CHRNA7: variants seen among roughly 807,000 people sequenced by gnomAD.
The protein encoded by CHRNA7 is cholinergic receptor nicotinic alpha 7 subunit.
In CHRNA7, 17 loss-of-function variants were observed where a neutral mutation model predicts 48.0. The observed-to-expected ratio is 0.35, with a 90% CI of 0.24 to 0.53. CHRNA7 has a LOEUF of 0.53. Among genes scored for constraint, CHRNA7 ranks in the 20% least tolerant of loss-of-function variants. CHRNA7 has a pLI of 0.92. For missense variants in CHRNA7, 155 were observed against 577.7 expected (o/e 0.27, Z 7.50); for synonymous variants, 75 against 242.3 (o/e 0.31, Z 6.41).
At chr15:32,133,766 A>G (rs974889644) in intron 4 of CHRNA7, among the ~76,000 whole-genome samples, 30 of 152,174 alleles carry the variant, frequency 2.0e-4, no homozygotes, top group African/African-American at 6.8e-4. Flanking sequence ...TCCAGCACCA[A>G]TTGTAGTGGC....
intron 2 of CHRNA7, among the ~76,000 whole-genome samples, chr15:32,046,344 T>C (rs1430768883): frequency 6.9e-6 from 1 of 144,832 alleles, no homozygotes; most frequent in Non-Finnish European, 1.5e-5. Context: ...TTTCCTGACT[T>C]TTTAATGATT....
At chr15:32,065,457 A>C (rs1159604300) in intron 2 of CHRNA7, among the ~76,000 whole-genome samples, 1 of 152,218 alleles carries the variant, frequency 6.6e-6, no homozygotes, top group Non-Finnish European at 1.5e-5. Flanking sequence ...TTGGGTTGAA[A>C]ATTTAGAAGT....
In CHRNA7 at chr15:32,090,959, T is replaced by C. The variant is rs942128745; in HGVS notation, c.196-10344T>C. Among the ~76,000 whole-genome samples, 5 of 152,226 alleles carry C rather than the reference T, an allele frequency of 3.3e-5. No individual in the cohort carries two copies. The South Asian group carries it at 1.0e-3, about 31-fold the overall frequency. The stretch of plus-strand genomic sequence containing the variant: ...TTCTGAGTTACATTTTAGGTCATTT[T>C]GTTGAGTCTGTCTTCAGCTTACTAA... On this transcript the variant is annotated intron_variant, in intron 2 of 9. Transcript: ENST00000306901.
intron 2 of CHRNA7, among the ~76,000 whole-genome samples, chr15:32,094,622 G>T (rs954004909): frequency 2.0e-5 from 3 of 152,082 alleles, no homozygotes; most frequent in African/African-American, 7.2e-5. Context: ...TAATTTAACA[G>T]TGGAGAATTT....
intron 2 of CHRNA7, among the ~76,000 whole-genome samples, chr15:32,074,983 A>G (rs1439702756): frequency 1.3e-5 from 2 of 151,948 alleles, no homozygotes; most frequent in Non-Finnish European, 2.9e-5. Context: ...TTTTTTGTGT[A>G]GTTTTTCTTC....
intron 4 of CHRNA7, among the ~76,000 whole-genome samples, chr15:32,115,017 C>T (rs1399160702): frequency 1.3e-5 from 2 of 152,226 alleles, no homozygotes; most frequent in Non-Finnish European, 2.9e-5. Context: ...CGGTGTCCCC[C>T]AGCTTGGTGG....
chr15:32,033,415 C>G (rs1901937348), intron 2 of CHRNA7, among the ~76,000 whole-genome samples: 1 of 152,204 alleles, frequency 6.6e-6, no homozygotes, highest in Non-Finnish European at 1.5e-5. Context: ...CAAGGTCACT[C>G]TGTGATTAGA....
intron 3 of CHRNA7, 164 bp downstream of exon 3, chr15:32,101,511 A>C: frequency 2.9e-6 from 2 of 692,438 alleles, no homozygotes; most frequent in Middle Eastern, 4.2e-4. Context: ...CCTGCCAACA[A>C]TGAATGCTGG....
intron 4 of CHRNA7, among the ~76,000 whole-genome samples, chr15:32,132,089 A>C (rs895531574): frequency 2.0e-5 from 3 of 152,142 alleles, no homozygotes; most frequent in African/African-American, 7.2e-5. Flanking sequence ...GTTTGAATCT[A>C]GAGTGCTCCC....
At chr15:32,152,914 G>GT (rs1321118544) in intron 4 of CHRNA7, among the ~76,000 whole-genome samples, 2 of 152,118 alleles carry the variant, frequency 1.3e-5, no homozygotes, top group Non-Finnish European at 2.9e-5. Context: ...CTGTGTGTGT[G>GT]TGGGTGTGTG....
intron 2 of CHRNA7, among the ~76,000 whole-genome samples, chr15:32,073,292 C>A (rs1006835763): frequency 4.6e-5 from 7 of 152,142 alleles, no homozygotes; most frequent in African/African-American, 1.7e-4. Flanking sequence ...GGCCTATTGC[C>A]CCTTTCTTTT....
chr15:32,081,312 A>G (rs1331350320), intron 2 of CHRNA7, among the ~76,000 whole-genome samples: 2 of 152,202 alleles, frequency 1.3e-5, no homozygotes, highest in Non-Finnish European at 2.9e-5. Flanking sequence ...TTGAAAAATA[A>G]AAATAAATAA....
intron 7 of CHRNA7, chr15:32,159,221 G>A (rs2051848850): frequency 6.0e-6 from 1 of 166,404 alleles, no homozygotes; most frequent in African/African-American, 2.7e-5. Context: ...CAGGTCTCCT[G>A]ACTGCATATT....
chr15:32,093,131 A>G (rs2050409944), intron 2 of CHRNA7, among the ~76,000 whole-genome samples: 1 of 152,144 alleles, frequency 6.6e-6, no homozygotes, highest in Non-Finnish European at 1.5e-5. Context: ...AGTTCAGATG[A>G]AGTTTGATTC....
intron 4 of CHRNA7, among the ~76,000 whole-genome samples, chr15:32,147,658 C>CA (rs2051520392): frequency 1.3e-5 from 2 of 152,178 alleles, no homozygotes; most frequent in South Asian, 4.1e-4. Context: ...CCTGGTACCT[C>CA]AGAATTCTGC....
At chr15:32,106,353 GTTTATTAAAAATGGAAA>G (rs2050669051) in intron 3 of CHRNA7, among the ~76,000 whole-genome samples, 1 of 152,022 alleles carries the variant, frequency 6.6e-6, no homozygotes, top group Admixed American at 6.5e-5. Flanking sequence ...TACATTTTCT[GTTTATTAAAAATGGAAA>G]AGGCAGAAAG....
intron 4 of CHRNA7, among the ~76,000 whole-genome samples, chr15:32,132,097 C>T (rs1234855845): frequency 2.6e-5 from 4 of 152,094 alleles, no homozygotes; most frequent in Non-Finnish European, 5.9e-5. Flanking sequence ...CTAGAGTGCT[C>T]CCTGGGCCTT....
At chr15:32,034,954 C>T (rs970366741) in intron 2 of CHRNA7, among the ~76,000 whole-genome samples, 1 of 152,014 alleles carries the variant, frequency 6.6e-6, no homozygotes, top group Admixed American at 6.6e-5. Flanking sequence ...AGAAAGGTAA[C>T]GGACAAGGAG....
intron 2 of CHRNA7, among the ~76,000 whole-genome samples, chr15:32,032,950 T>C (rs2141157983): frequency 6.6e-6 from 1 of 152,324 alleles, no homozygotes; most frequent in African/African-American, 2.4e-5. Flanking sequence ...AGGCATAAGT[T>C]AGTGTTATAC....
Sources: allele counts gnomAD v4.1 joint callset (sites outside exome capture counted in the v4.1 genomes callset), GRCh38; gene constraint gnomAD v4.1.1; transcripts MANE v1.5; gene names NCBI Gene and HGNC (gene_info 2026-07-23, HGNC 2026-07-21).